Variants in PAQR5 observed in about 807,000 individuals in gnomAD.
PAQR5 encodes membrane progestin receptor gamma.
A neutral mutation model predicts 34.5 loss-of-function variants in PAQR5; 20 were observed. That is an observed-to-expected ratio of 0.58 (90% CI 0.41 to 0.84). PAQR5 has a LOEUF of 0.84. Ranked by LOEUF, PAQR5 falls within the 40% of genes least tolerant of loss-of-function variation. The pLI, the probability that PAQR5 is intolerant of heterozygous loss-of-function variation, is 0.00. For missense variants in PAQR5, 378 were observed against 412.7 expected (o/e 0.92, Z 0.73); for synonymous variants, 131 against 155.6 (o/e 0.84, Z 1.18).
In PAQR5 at chr15:69,355,288, TTTTCTTTCTTTCTTTCTTTCTTTCTTTC is replaced by T. The variant is rs202025030; in HGVS notation, c.-115-4650_-115-4623del. Among the ~76,000 whole-genome samples the T allele has an allele frequency of 2.1e-3, 287 of 135,832 alleles. 3 individuals are homozygous for T. The highest frequency in any genetic ancestry group is 8.1e-3 in the African/African-American group (279 of 34,312). 89.1% of individuals were successfully genotyped at this position (135,832 alleles called of 152,430 possible). A position where few individuals can be genotyped will look rare whatever the true frequency, so the allele number is the denominator to read the frequency against. ...TTTGTCTTCTTTCTCTCTTTCTTTC[TTTTCTTTCTTTCTTTCTTTCTTTCTTTC>T]TTTCTTTCTTTCTTTCTTTCTTTCT... On this transcript the variant is annotated intron_variant, in intron 2 of 8. Coordinates refer to ENST00000395407, the MANE Select transcript of PAQR5 (RefSeq NM_017705.4).
intron 2 of PAQR5, among the ~76,000 whole-genome samples, chr15:69,344,048 G>A (rs538991077): frequency 6.6e-6 from 1 of 152,198 alleles, no homozygotes; most frequent in East Asian, 1.9e-4. Context: ...TGCCCAGGCT[G>A]GTTTTGAACT....
intron 7 of PAQR5, 98 bp downstream of exon 7, chr15:69,397,662 C>T (rs561641762): frequency 1.9e-4 from 157 of 841,452 alleles, no homozygotes; most frequent in Non-Finnish European, 2.7e-4. Flanking sequence ...CAATGGGAAC[C>T]GCAGAACAAA....
intron 3 of PAQR5, among the ~76,000 whole-genome samples, chr15:69,378,037 T>C (rs2055758133): frequency 6.6e-6 from 1 of 151,210 alleles, no homozygotes; most frequent in Non-Finnish European, 1.5e-5. Flanking sequence ...CCGAGGTGGG[T>C]GGATCATTTA....
At chr15:69,299,286 C>T (rs1010428400) in intron 1 of PAQR5, among the ~76,000 whole-genome samples, 18 of 152,182 alleles carry the variant, frequency 1.2e-4, no homozygotes, top group Non-Finnish European at 7.4e-5. Context: ...GTGGGGCGGC[C>T]GCCGCCGTGC....
In PAQR5 at chr15:69,405,726, C is replaced by T. The variant is rs2056743409; in HGVS notation, c.*1904C>T. The stretch of plus-strand genomic sequence containing the variant: ...AAAATAATGTTTAGCTCAGTAAGTA[C>T]TGAAATAATGAGTGACCAATTTGAA... On this transcript the variant is annotated 3_prime_UTR_variant, in exon 9 of 9. Coordinates refer to ENST00000395407, the MANE Select transcript of PAQR5 (RefSeq NM_017705.4). 6.6e-6 allele frequency: 1 copy of T among 152,100 alleles called. No individual in the cohort carries two copies. Among genetic ancestry groups the T allele is most frequent in the Non-Finnish European group, 1.5e-5 (1 of 68,012 alleles). The allele number at this position is 152,100 out of a possible 1,614,324, so 9.4% of individuals were successfully genotyped here.
intron 8 of PAQR5, among the ~76,000 whole-genome samples, chr15:69,402,995 C>G (rs903941450): frequency 6.6e-6 from 1 of 152,240 alleles, no homozygotes; most frequent in Non-Finnish European, 1.5e-5. Context: ...CTGGTCATAT[C>G]TGTGACTAAC....
intron 2 of PAQR5, among the ~76,000 whole-genome samples, chr15:69,351,151 A>G (rs1185164798): frequency 6.6e-6 from 1 of 152,264 alleles, no homozygotes; most frequent in Non-Finnish European, 1.5e-5. Flanking sequence ...GGAAATGGCC[A>G]AATGAAAGCC....
intron 2 of PAQR5, among the ~76,000 whole-genome samples, chr15:69,339,412 T>TGTGG (rs2054588347): frequency 6.6e-6 from 1 of 152,182 alleles, no homozygotes; most frequent in Non-Finnish European, 1.5e-5. Context: ...TCTGGGTACC[T>TGTGG]GGCGGCCTTA....
chr15:69,330,789 A>G (rs1403450872), intron 1 of PAQR5, among the ~76,000 whole-genome samples: 1 of 152,168 alleles, frequency 6.6e-6, no homozygotes, highest in East Asian at 1.9e-4. Context: ...CTCTGCGTGA[A>G]TTACTCTTTC....
chr15:69,355,963 C>G (rs1007863831), intron 2 of PAQR5, among the ~76,000 whole-genome samples: 2 of 151,928 alleles, frequency 1.3e-5, no homozygotes, highest in Non-Finnish European at 2.9e-5. Flanking sequence ...CTTTCTTAAG[C>G]TATTCACTTA....
chr15:69,350,748 G>C (rs888590076), intron 2 of PAQR5, among the ~76,000 whole-genome samples: 4 of 152,094 alleles, frequency 2.6e-5, no homozygotes, highest in African/African-American at 9.7e-5. Flanking sequence ...TCAATTCCCA[G>C]ACATGAGCCA....
chr15:69,358,733 GTGAT>G (rs2055149584), intron 2 of PAQR5, among the ~76,000 whole-genome samples: 1 of 140,502 alleles, frequency 7.1e-6, no homozygotes, highest in Non-Finnish European at 1.5e-5. Context: ...CTGGGCTGAA[GTGAT>G]CTCACTTTAG....
At position 69,397,496 on chromosome 15, in the gene PAQR5, T is replaced by G; in HGVS notation, c.541T>G (p.Cys181Gly). Residue 181 changes from cysteine to glycine, a missense_variant, in exon 7 of 9, where the codon TGT becomes GGT. By Grantham distance (159) the Cys-to-Gly change is radical. Transcript: ENST00000395407. The part of the protein sequence containing the change: ...RFLEIQKPRL[C>G]KVIRVLAFAY... ...TCTTGAAATCCAGAAGCCCAGACTC[T>G]GTAAGGTGATTCGTGTCCTCGCCTT... is the stretch of plus-strand genomic sequence containing the variant. 6.2e-7 allele frequency: 1 copy of G among 1,613,826 alleles called. No individual in the cohort carries two copies.
At chr15:69,335,252 T>TC (rs1421994659) in intron 1 of PAQR5, among the ~76,000 whole-genome samples, 1 of 150,552 alleles carries the variant, frequency 6.6e-6, no homozygotes, top group East Asian at 1.9e-4. Context: ...TTAGCTTTTT[T>TC]TTTTTTTTTT....
At chr15:69,320,229 G>A (rs764242887) in intron 1 of PAQR5, among the ~76,000 whole-genome samples, 18 of 152,354 alleles carry the variant, frequency 1.2e-4, no homozygotes, top group Admixed American at 3.9e-4. Flanking sequence ...CCAGGCTGGC[G>A]TTTGGCACCC....
At chr15:69,308,960 A>C (rs2053774391) in intron 1 of PAQR5, among the ~76,000 whole-genome samples, 1 of 152,166 alleles carries the variant, frequency 6.6e-6, no homozygotes, top group Non-Finnish European at 1.5e-5. Flanking sequence ...TGGACATGAG[A>C]GTGCTAAGGA....
chr15:69,389,314 C>G (rs2056193372), intron 5 of PAQR5, among the ~76,000 whole-genome samples: 1 of 152,198 alleles, frequency 6.6e-6, no homozygotes, highest in Non-Finnish European at 1.5e-5. Flanking sequence ...GCTGCAGGAC[C>G]CTGGGCGAGT....
chr15:69,332,091 G>A (rs1279483989), intron 1 of PAQR5, among the ~76,000 whole-genome samples: 1 of 152,160 alleles, frequency 6.6e-6, no homozygotes, highest in East Asian at 1.9e-4. Flanking sequence ...TTCTCTGTCT[G>A]GGTAAAACAG....
chr15:69,335,551 T>G (rs1191737205), intron 1 of PAQR5, among the ~76,000 whole-genome samples: 14 of 132,730 alleles, frequency 1.1e-4, no homozygotes, highest in Admixed American at 9.0e-4. Flanking sequence ...AGTTTTTTTT[T>G]TTTTTTTTTT....
Sources: gnomAD v4.1 joint callset for allele counts (sites outside exome capture counted in the v4.1 genomes callset) on GRCh38, gnomAD v4.1.1 for gene constraint, MANE v1.5 for transcripts, NCBI Gene and HGNC (gene_info 2026-07-23, HGNC 2026-07-21) for gene names.